INPP4B: variants seen among roughly 807,000 people sequenced by gnomAD.
INPP4B encodes the protein inositol polyphosphate 4-phosphatase type II.
A neutral mutation model predicts 122.5 loss-of-function variants in INPP4B; 55 were observed. That is an observed-to-expected ratio of 0.45 (90% CI 0.36 to 0.56). The LOEUF is 0.56. Among genes scored for constraint, INPP4B ranks in the 20% least tolerant of loss-of-function variants. INPP4B has a pLI of 0.00. For synonymous variants in INPP4B, 403 were observed against 388.7 expected (o/e 1.04, Z -0.43); for missense variants, 1,000 against 1,097.7 (o/e 0.91, Z 1.26).
chr4:142,636,812 A>G (rs1749260195), intron 2 of INPP4B, among the ~76,000 whole-genome samples: 3 of 152,170 alleles, frequency 2.0e-5, no homozygotes, highest in African/African-American at 7.2e-5. Context: ...GTATTTCCTG[A>G]AAATATTATT....
intron 11 of INPP4B, among the ~76,000 whole-genome samples, chr4:142,244,670 A>C (rs1243759402): frequency 6.6e-6 from 1 of 152,134 alleles, no homozygotes; most frequent in East Asian, 1.9e-4. Context: ...GCTATTGTGA[A>C]CAGTGCTGCA....
At chr4:142,555,273 G>A (rs1185839093) in intron 2 of INPP4B, among the ~76,000 whole-genome samples, 1 of 152,178 alleles carries the variant, frequency 6.6e-6, no homozygotes, top group African/African-American at 2.4e-5. Flanking sequence ...ACACTGTGAA[G>A]GGCAAATTGT....
chr4:142,812,303 G>A (rs1428565365), intron 1 of INPP4B, among the ~76,000 whole-genome samples: 1 of 152,064 alleles, frequency 6.6e-6, no homozygotes, highest in African/African-American at 2.4e-5. Context: ...CTCCTACACT[G>A]CCCCAGAAGC....
chr4:142,336,349 T>C (rs971438861), intron 7 of INPP4B, among the ~76,000 whole-genome samples: 2 of 152,186 alleles, frequency 1.3e-5, no homozygotes, highest in Non-Finnish European at 1.5e-5. Context: ...CTCTGTTCAC[T>C]GTGCTGCAGG....
At chr4:142,704,068 A>C (rs1762155608) in intron 2 of INPP4B, among the ~76,000 whole-genome samples, 1 of 152,190 alleles carries the variant, frequency 6.6e-6, no homozygotes, top group Non-Finnish European at 1.5e-5. Flanking sequence ...TGTTTCACAG[A>C]GCAGAGGACT....
chr4:142,704,926 G>A (rs749067670), intron 2 of INPP4B, among the ~76,000 whole-genome samples: 69 of 152,000 alleles, frequency 4.5e-4, no homozygotes, highest in Non-Finnish European at 8.1e-4. Flanking sequence ...ATTAGTGCCC[G>A]CTTAACCATC....
At chr4:142,293,055 T>A (rs990877853) in intron 9 of INPP4B, among the ~76,000 whole-genome samples, 9 of 151,326 alleles carry the variant, frequency 5.9e-5, no homozygotes, top group Admixed American at 2.0e-4. Flanking sequence ...TTTTTTTTTT[T>A]AAGACAGAGT....
At chr4:142,482,388 C>G (rs1820670770) in intron 2 of INPP4B, among the ~76,000 whole-genome samples, 1 of 152,132 alleles carries the variant, frequency 6.6e-6, no homozygotes, top group South Asian at 2.1e-4. Context: ...TCAAGTATAT[C>G]ATATTATCCA....
chr4:142,408,450 G>A (rs972159507), intron 5 of INPP4B, among the ~76,000 whole-genome samples: 2 of 152,138 alleles, frequency 1.3e-5, no homozygotes, highest in African/African-American at 2.4e-5. Context: ...CTACTTGGGA[G>A]GCTGAGGCAC....
At chr4:142,558,913 C>T (rs1408523852) in intron 2 of INPP4B, among the ~76,000 whole-genome samples, 1 of 151,344 alleles carries the variant, frequency 6.6e-6, no homozygotes, top group Non-Finnish European at 1.5e-5. Context: ...GTTTTTACTG[C>T]CTCAGCCTGG....
At chr4:142,452,866 C>A (rs1397419140) in intron 3 of INPP4B, among the ~76,000 whole-genome samples, 1 of 151,890 alleles carries the variant, frequency 6.6e-6, no homozygotes, top group East Asian at 1.9e-4. Context: ...CCTTGAGCCC[C>A]AAATATACTT....
At chr4:142,520,952 A>G (rs1008583566) in intron 2 of INPP4B, among the ~76,000 whole-genome samples, 13 of 151,986 alleles carry the variant, frequency 8.6e-5, no homozygotes, top group Non-Finnish European at 1.6e-4. Flanking sequence ...TTTTAGTGCC[A>G]TATAAAACTG....
intron 3 of INPP4B, among the ~76,000 whole-genome samples, chr4:142,442,411 C>CA (rs70949167): frequency 0.13 from 10,463 of 78,550 alleles, 1,383 homozygotes; most frequent in East Asian, 0.37. Context: ...GACTCCATCT[C>CA]AAAAAAAAAA....
chr4:142,704,809 C>T (rs1346341036), intron 2 of INPP4B, among the ~76,000 whole-genome samples: 1 of 152,166 alleles, frequency 6.6e-6, no homozygotes, highest in African/African-American at 2.4e-5. Context: ...TGCATTTATT[C>T]TTACCACTCA....
rs200657873 is a variant in INPP4B at position 142,215,892 on chromosome 4, C to CAAAAAAAAAA, written c.837-6876_837-6867dup. Reference sequence around the variant, plus strand: ...TGGGCAACAGACCAAGACTCTGTCTCAAAAAAAAAAAAAAAAAAAAAAAAA... The same window carrying CAAAAAAAAAA: ...TGGGCAACAGACCAAGACTCTGTCTCAAAAAAAAAAAAAAAAAAAAAAAAAAAAAAAAAAA... On this transcript the variant is annotated intron_variant, in intron 12 of 25. Coordinates refer to ENST00000262992, the MANE Select transcript of INPP4B (RefSeq NM_001101669.3). Among the ~76,000 whole-genome samples the CAAAAAAAAAA allele has an allele frequency of 2.4e-4, 13 of 54,578 alleles. 1 individual carries two copies. Among genetic ancestry groups the CAAAAAAAAAA allele is most frequent in the Non-Finnish European group, 3.0e-4 (9 of 30,206 alleles). The allele number at this position is 54,578 out of a possible 152,430, so 35.8% of individuals were successfully genotyped here. A position where few individuals can be genotyped will look rare whatever the true frequency, so the allele number is the denominator to read the frequency against.
intron 7 of INPP4B, among the ~76,000 whole-genome samples, chr4:142,353,552 G>A (rs1782622564): frequency 6.6e-6 from 1 of 151,920 alleles, no homozygotes; most frequent in Non-Finnish European, 1.5e-5. Flanking sequence ...CTCTGCCCTG[G>A]CAAACTACTT....
intron 1 of INPP4B, among the ~76,000 whole-genome samples, chr4:142,800,970 T>C (rs185090259): frequency 5.1e-4 from 77 of 152,118 alleles, no homozygotes; most frequent in African/African-American, 1.7e-3. Flanking sequence ...CTGAAGTAGA[T>C]CCATGTTGGC....
intron 2 of INPP4B, among the ~76,000 whole-genome samples, chr4:142,502,804 TTCAAGCCA>T (rs1288271311): frequency 6.6e-6 from 1 of 152,066 alleles, no homozygotes. Context: ...AACCCTTACT[TTCAAGCCA>T]TCAGGAAGGT....
intron 12 of INPP4B, among the ~76,000 whole-genome samples, chr4:142,221,279 A>G (rs1298112438): frequency 6.7e-6 from 1 of 148,600 alleles, no homozygotes; most frequent in African/African-American, 2.5e-5. Flanking sequence ...AGGCACCTGT[A>G]GTCCCAGCTA....
Sources: gnomAD v4.1 joint callset for allele counts (sites outside exome capture counted in the v4.1 genomes callset) on GRCh38, gnomAD v4.1.1 for gene constraint, MANE v1.5 for transcripts, NCBI Gene and HGNC (gene_info 2026-07-23, HGNC 2026-07-21) for gene names.